DLG2: variants seen among roughly 807,000 people sequenced by gnomAD.
DLG2 encodes the protein discs large MAGUK scaffold protein 2.
DLG2 carries 45 observed loss-of-function variants against 132.5 expected under a neutral mutation model. That is an observed-to-expected ratio of 0.34 (90% CI 0.27 to 0.44). The LOEUF (loss-of-function observed/expected upper bound fraction) is 0.44. DLG2 is among the 20% of genes least tolerant of loss of function. The pLI, the probability that DLG2 is intolerant of heterozygous loss-of-function variation, is 1.00. For synonymous variants in DLG2, 424 were observed against 419.6 expected (o/e 1.01, Z -0.13); for missense variants, 1,045 against 1,196.9 (o/e 0.87, Z 1.87).
At chr11:83,481,081 T>C (rs2093063166) in intron 22 of DLG2, among the ~76,000 whole-genome samples, 3 of 152,130 alleles carry the variant, frequency 2.0e-5, no homozygotes, top group African/African-American at 7.2e-5. Context: ...GATTCTTGCT[T>C]GGATAGCTAT....
intron 6 of DLG2, among the ~76,000 whole-genome samples, chr11:84,600,197 A>AAAGAAAGAAAGG (rs2099573113): frequency 1.5e-5 from 2 of 136,716 alleles, no homozygotes; most frequent in South Asian, 4.9e-4. Flanking sequence ...AGAAAGAAAG[A>AAAGAAAGAAAGG]AAGAAAGAAA....
intron 5 of DLG2, among the ~76,000 whole-genome samples, chr11:85,144,235 G>A (rs1000171563): frequency 2.6e-5 from 4 of 151,454 alleles, no homozygotes; most frequent in Non-Finnish European, 5.9e-5. Context: ...ATCTGATATA[G>A]GTATAGCTAA....
chr11:85,178,655 G>C (rs926557017), intron 4 of DLG2, among the ~76,000 whole-genome samples: 4 of 151,836 alleles, frequency 2.6e-5, no homozygotes, highest in Non-Finnish European at 5.9e-5. Context: ...AACAGGAAGA[G>C]AGGGAACAAG....
intron 14 of DLG2, among the ~76,000 whole-genome samples, chr11:83,930,929 C>T (rs139723996): frequency 2.0e-5 from 3 of 152,138 alleles, no homozygotes; most frequent in African/African-American, 7.2e-5. Context: ...AAAGATAGAA[C>T]CTGTGTCACT....
intron 7 of DLG2, among the ~76,000 whole-genome samples, chr11:84,423,822 A>G (rs1031032041): frequency 6.7e-6 from 1 of 149,590 alleles, no homozygotes; most frequent in African/African-American, 2.4e-5. Context: ...AAACATACAT[A>G]GGCAATACAC....
chr11:84,026,930 T>C (rs745612348), intron 11 of DLG2, among the ~76,000 whole-genome samples: 1 of 152,142 alleles, frequency 6.6e-6, no homozygotes, highest in Admixed American at 6.6e-5. Context: ...GCGTTTTATA[T>C]CTGTAGAATT....
intron 5 of DLG2, 148 bp from the exon 6 acceptor site, chr11:85,111,883 C>T (rs998627186): frequency 1.7e-6 from 1 of 574,660 alleles, no homozygotes; most frequent in Non-Finnish European, 2.9e-6. Context: ...CTGCAGAAAA[C>T]TAGGTACATA....
intron 3 of DLG2, among the ~76,000 whole-genome samples, chr11:85,378,363 A>C (rs1905661): frequency 6.6e-6 from 1 of 152,162 alleles, no homozygotes; most frequent in Non-Finnish European, 1.5e-5. Flanking sequence ...GATAAATACA[A>C]ATATACATAG....
At chr11:85,534,988 C>A (rs779937817) in intron 3 of DLG2, among the ~76,000 whole-genome samples, 5 of 152,184 alleles carry the variant, frequency 3.3e-5, no homozygotes, top group Non-Finnish European at 4.4e-5. Context: ...TCTCCACAAC[C>A]TCACCAACAC....
chr11:84,192,031 A>G (rs149915565), intron 8 of DLG2, among the ~76,000 whole-genome samples: 1 of 141,084 alleles, frequency 7.1e-6, no homozygotes, highest in East Asian at 1.9e-4. Context: ...GATTTGCTAG[A>G]ACATAAATGA....
chr11:85,475,409 G>A (rs1475263839), intron 3 of DLG2, among the ~76,000 whole-genome samples: 2 of 151,636 alleles, frequency 1.3e-5, no homozygotes, highest in Admixed American at 6.6e-5. Context: ...ATCAACCAGA[G>A]TACAAAAAAT....
intron 8 of DLG2, among the ~76,000 whole-genome samples, chr11:84,234,898 C>A (rs2097139612): frequency 2.0e-5 from 3 of 152,216 alleles, no homozygotes; most frequent in African/African-American, 7.2e-5. Flanking sequence ...AAAATCCCCT[C>A]CCCTTTCCAG....
intron 3 of DLG2, among the ~76,000 whole-genome samples, chr11:85,450,126 T>C (rs1470102293): frequency 1.3e-5 from 2 of 152,058 alleles, no homozygotes; most frequent in African/African-American, 2.4e-5. Flanking sequence ...TGAAACTCCG[T>C]TTTAAAAAAA....
intron 6 of DLG2, among the ~76,000 whole-genome samples, chr11:84,763,704 T>C (rs886872558): frequency 6.6e-5 from 10 of 152,172 alleles, no homozygotes; most frequent in Admixed American, 2.0e-4. Flanking sequence ...TACACAAACA[T>C]TCAGATGAGT....
At chr11:83,952,307 A>T (rs1240109203) in intron 14 of DLG2, among the ~76,000 whole-genome samples, 1 of 152,170 alleles carries the variant, frequency 6.6e-6, no homozygotes, top group African/African-American at 2.4e-5. Flanking sequence ...AGATCGAGCC[A>T]CTGAACTCCA....
intron 3 of DLG2, among the ~76,000 whole-genome samples, chr11:85,430,679 A>G (rs1050413867): frequency 6.6e-6 from 1 of 152,144 alleles, no homozygotes; most frequent in Non-Finnish European, 1.5e-5. Flanking sequence ...TTGACTGCAA[A>G]CAGGACAGGG....
At chr11:84,539,701 AG>A (rs1344074932) in intron 6 of DLG2, among the ~76,000 whole-genome samples, 4 of 152,206 alleles carry the variant, frequency 2.6e-5, no homozygotes, top group African/African-American at 7.2e-5. Flanking sequence ...TGAGCATGGA[AG>A]GTACGTTAAA....
At chr11:83,678,186 GATC>G (rs1169291474) in intron 18 of DLG2, among the ~76,000 whole-genome samples, 3 of 152,122 alleles carry the variant, frequency 2.0e-5, no homozygotes, top group African/African-American at 7.2e-5. Context: ...TTGAACCTGA[GATC>G]ATCATTGTTT....
intron 7 of DLG2, among the ~76,000 whole-genome samples, chr11:84,506,935 G>GT (rs2099243090): frequency 6.6e-6 from 1 of 152,136 alleles, no homozygotes; most frequent in Non-Finnish European, 1.5e-5. Flanking sequence ...TGGCTTAAAG[G>GT]TATTAGTTGG....
Sources: gnomAD v4.1 joint callset for allele counts (sites outside exome capture counted in the v4.1 genomes callset) on GRCh38, gnomAD v4.1.1 for gene constraint, MANE v1.5 for transcripts, NCBI Gene and HGNC (gene_info 2026-07-23, HGNC 2026-07-21) for gene names.